LEPR: variants seen among roughly 807,000 people sequenced by gnomAD.
LEPR encodes the protein OB receptor.
A neutral mutation model predicts 114.7 loss-of-function variants in LEPR; 56 were observed. The ratio of observed to expected loss-of-function variants is 0.49; its 90% CI spans 0.39 to 0.61. The LOEUF (loss-of-function observed/expected upper bound fraction) is 0.61, where lower values mean the gene tolerates loss of function less well. Ranked by LOEUF, LEPR falls within the 20% of genes least tolerant of loss-of-function variation. The pLI, the probability that LEPR is intolerant of heterozygous loss-of-function variation, is 0.00. For missense variants in LEPR, 1,202 were observed against 1,352.9 expected, an observed-to-expected ratio of 0.89 and a Z score of 1.75; for synonymous variants, 443 against 461.4, an observed-to-expected ratio of 0.96 and a Z score of 0.51.
rs553167428 is a variant in LEPR at position 65,476,212 on chromosome 1, A to G, written c.-21+50834A>G. Reference sequence around the variant, plus strand: ...TTACATTTTATTGTAGCTTGAATATATCTTGGTGAACTCATTTTCTTAGAG... The same window carrying G: ...TTACATTTTATTGTAGCTTGAATATGTCTTGGTGAACTCATTTTCTTAGAG... On this transcript the variant is annotated intron_variant, in intron 2 of 19. Coordinates refer to ENST00000349533, the MANE Select transcript of LEPR (RefSeq NM_002303.6). Among the ~76,000 whole-genome samples the G allele has an allele frequency of 5.4e-4, 81 of 151,248 alleles. 2 individuals are homozygous for G. Among genetic ancestry groups the G allele is most frequent in the Middle Eastern group, 3.4e-3 (1 of 294 alleles).
chr1:65,568,137 A>C (rs968642152), intron 3 of LEPR, among the ~76,000 whole-genome samples: 1 of 152,110 alleles, frequency 6.6e-6, no homozygotes, highest in African/African-American at 2.4e-5. Flanking sequence ...TGTGCGTTTT[A>C]TAGAATGTCA....
At chr1:65,499,882 A>G (rs1235064007) in intron 2 of LEPR, among the ~76,000 whole-genome samples, 2 of 152,238 alleles carry the variant, frequency 1.3e-5, no homozygotes, top group South Asian at 2.1e-4. Context: ...ATTCCTTATC[A>G]CAGCATTTAA....
intron 2 of LEPR, among the ~76,000 whole-genome samples, chr1:65,556,347 T>C (rs1652814382): frequency 6.6e-6 from 1 of 152,154 alleles, no homozygotes; most frequent in Non-Finnish European, 1.5e-5. Flanking sequence ...TCCAGGGGAA[T>C]GTTAGGCAGT....
intron 2 of LEPR, among the ~76,000 whole-genome samples, chr1:65,510,101 T>A (rs1056418596): frequency 2.6e-5 from 4 of 152,220 alleles, no homozygotes; most frequent in African/African-American, 9.6e-5. Flanking sequence ...TGGAGAGAGT[T>A]GGTCAGTAAC....
rs1054105415 is a variant in LEPR, at chr1:65,637,732, C to T, written c.*717C>T. 2 of 152,244 alleles carry T rather than the reference C, an allele frequency of 1.3e-5. No homozygotes were observed. The highest frequency in any genetic ancestry group is 4.8e-5 in the African/African-American group (2 of 41,448). The allele number at this position is 152,244 out of a possible 1,614,324, so 9.4% of individuals were successfully genotyped here. A position where few individuals can be genotyped will look rare whatever the true frequency, so the allele number is the denominator to read the frequency against. ...GATTGCCAAATGTCACTGTATATCTCTCCGGAATAATTGTCTTCCCCCATC... is the reference window on the plus strand; with the variant it reads ...GATTGCCAAATGTCACTGTATATCTTTCCGGAATAATTGTCTTCCCCCATC... On this transcript the variant is annotated 3_prime_UTR_variant, in exon 20 of 20. Coordinates refer to ENST00000349533, the MANE Select transcript of LEPR (RefSeq NM_002303.6).
At chr1:65,602,092 G>A in intron 10 of LEPR, 132 bp downstream of exon 10, 2 of 831,518 alleles carry the variant, frequency 2.4e-6, no homozygotes, top group Non-Finnish European at 4.1e-6. Flanking sequence ...AATGAATCAG[G>A]AAATTTTTGA....
At chr1:65,551,013 T>A (rs936397513) in intron 2 of LEPR, among the ~76,000 whole-genome samples, 12 of 151,976 alleles carry the variant, frequency 7.9e-5, no homozygotes, top group Non-Finnish European at 4.4e-5. Flanking sequence ...TGTGATAGAT[T>A]ATGTTTATTG....
chr1:65,460,133 T>A (rs1189035657), intron 2 of LEPR, among the ~76,000 whole-genome samples: 1 of 152,012 alleles, frequency 6.6e-6, no homozygotes, highest in Non-Finnish European at 1.5e-5. Flanking sequence ...CTATATTACA[T>A]ATCAGCAATA....
chr1:65,626,214 C>G (rs1272188793), intron 19 of LEPR: 11 of 1,588,574 alleles, frequency 6.9e-6, no homozygotes, highest in Non-Finnish European at 7.7e-6. Flanking sequence ...CGCACCTGCT[C>G]TCCCTGAGGT....
intron 5 of LEPR, among the ~76,000 whole-genome samples, chr1:65,582,071 G>T (rs1172326327): frequency 6.6e-6 from 1 of 152,124 alleles, no homozygotes; most frequent in African/African-American, 2.4e-5. Context: ...CTGTCCGCTG[G>T]TTCCAAAGCC....
chr1:65,599,426 A>AT (rs756875635), intron 8 of LEPR, among the ~76,000 whole-genome samples: 2 of 152,000 alleles, frequency 1.3e-5, no homozygotes, highest in Non-Finnish European at 2.9e-5. Flanking sequence ...AAAGGGCAAA[A>AT]TTTTTCTTGT....
chr1:65,640,077 T>C lies in LEPR; in HGVS notation c.*3062T>C, dbSNP rs534356340. 6 of 152,344 alleles carry C rather than the reference T, an allele frequency of 3.9e-5. No homozygotes were observed. In the South Asian group the frequency reaches 1.2e-3, roughly 32 times the overall value. The allele number at this position is 152,344 out of a possible 1,614,324, so 9.4% of individuals were successfully genotyped here. A position where few individuals can be genotyped will look rare whatever the true frequency, so the allele number is the denominator to read the frequency against. ...TATAACCTTAGGCATGTCATTCTTC[T>C]ACTTCTCATTTTTCCCTAATAAAAC... On this transcript the variant is annotated 3_prime_UTR_variant, in exon 20 of 20. Coordinates refer to ENST00000349533, the MANE Select transcript of LEPR (RefSeq NM_002303.6).
intron 2 of LEPR, among the ~76,000 whole-genome samples, chr1:65,552,035 C>T (rs116508643): frequency 0.063 from 9,661 of 152,236 alleles, 503 homozygotes; most frequent in South Asian, 0.27. Context: ...TTTCTTAATC[C>T]TCAGTTATAA....
intron 2 of LEPR, among the ~76,000 whole-genome samples, chr1:65,506,436 G>A (rs1053642670): frequency 1.3e-5 from 2 of 152,184 alleles, no homozygotes; most frequent in African/African-American, 4.8e-5. Flanking sequence ...GGGAAGGGAT[G>A]GAGAAGAGGA....
At chr1:65,526,773 C>T (rs1471845910) in intron 2 of LEPR, among the ~76,000 whole-genome samples, 1 of 151,920 alleles carries the variant, frequency 6.6e-6, no homozygotes, top group Non-Finnish European at 1.5e-5. Context: ...TTTCTGAGGG[C>T]CTTTTGAGAA....
chr1:65,590,656 CAATT>C (rs1288989303), intron 5 of LEPR, among the ~76,000 whole-genome samples: 39 of 152,128 alleles, frequency 2.6e-4, no homozygotes, highest in Non-Finnish European at 7.4e-5. Flanking sequence ...AACTGTGAAT[CAATT>C]AAACCTCTTC....
chr1:65,479,198 A>G (rs181072208), intron 2 of LEPR, among the ~76,000 whole-genome samples: 1 of 152,294 alleles, frequency 6.6e-6, no homozygotes, highest in East Asian at 1.9e-4. Context: ...GGAGGAAAAT[A>G]AAGCTCAGGA....
At chr1:65,488,190 T>TTCTTTC (rs1647627876) in intron 2 of LEPR, among the ~76,000 whole-genome samples, 3 of 21,956 alleles carry the variant, frequency 1.4e-4, no homozygotes, top group Non-Finnish European at 2.9e-4. Flanking sequence ...CTTTCTTTCT[T>TTCTTTC]TCTTTCTTTC....
intron 2 of LEPR, among the ~76,000 whole-genome samples, chr1:65,485,798 T>C (rs1456312064): frequency 6.6e-6 from 1 of 152,156 alleles, no homozygotes; most frequent in East Asian, 1.9e-4. Flanking sequence ...GTGGGTCTCT[T>C]TGAACATTTC....
Sources: allele counts gnomAD v4.1 joint callset (sites outside exome capture counted in the v4.1 genomes callset), GRCh38; gene constraint gnomAD v4.1.1; transcripts MANE v1.5; gene names NCBI Gene and HGNC (gene_info 2026-07-23, HGNC 2026-07-21).